ESR1: variants seen among roughly 807,000 people sequenced by gnomAD.
ESR1 encodes the protein estrogen receptor 1.
Under a neutral mutation model 52.7 loss-of-function variants are expected in ESR1, and 12 were observed. That is an observed-to-expected ratio of 0.23 (90% confidence interval 0.15 to 0.37). The LOEUF is 0.37. ESR1 is among the 10% of genes least tolerant of loss of function. ESR1 has a pLI of 1.00. For synonymous variants in ESR1, 305 were observed against 316.8 expected (o/e 0.96, Z 0.39); for missense variants, 584 against 779.7 (o/e 0.75, Z 2.99).
chr6:151,832,713 T>C (rs1271081734), intron 1 of ESR1, among the ~76,000 whole-genome samples: 3 of 152,250 alleles, frequency 2.0e-5, no homozygotes, highest in African/African-American at 7.2e-5. Context: ...GTATTTTCTG[T>C]CTGAAAAGTG....
Position 151,970,194 on chromosome 6 carries a change from C to T in ESR1, c.1096+25686C>T, listed in dbSNP as rs150379591. 5.3e-3 allele frequency among the ~76,000 whole-genome samples: 807 copies of T among 152,172 alleles called. 8 individuals are homozygous for T. Among genetic ancestry groups the T allele is most frequent in the African/African-American group, 0.017 (710 of 41,528 alleles). ...TGTACTGGCTTAGCACAGTGCTCGG[C>T]ATTCAGTAAATAAGGTTAAGGAAGG... is the stretch of plus-strand genomic sequence containing the variant. On this transcript the variant is annotated intron_variant, in intron 4 of 7. Transcript: ENST00000206249.
At position 151,790,460 on chromosome 6, in the gene ESR1, C is replaced by A. The variant is rs376777996; in HGVS notation, c.-70-17383C>A. Among the ~76,000 whole-genome samples, 40 of 152,264 alleles carry A rather than the reference C, an allele frequency of 2.6e-4. No individual in the cohort carries two copies. In the South Asian group the frequency reaches 8.3e-3, roughly 32 times the overall value. On this transcript the variant is annotated intron_variant, in intron 2 of 2. Transcript: ENST00000404742. ...TGAGGGCAGCCATGTCCTGTCTCTTCCACCTGTTGTGGAAGGGGTTCATGG... is the reference window on the plus strand; with the variant it reads ...TGAGGGCAGCCATGTCCTGTCTCTTACACCTGTTGTGGAAGGGGTTCATGG...
rs147452699 is a variant in ESR1, at chr6:152,058,950, G to A, written c.1236-2041G>A. On this transcript the variant is annotated intron_variant, in intron 5 of 7. Coordinates refer to ENST00000206249, the MANE Select transcript of ESR1 (RefSeq NM_000125.4). ...GGAAATAATAATGCTAATCTTAGAG[G>A]TCACTTCTAAGAAGTATATGAATAT... is the stretch of plus-strand genomic sequence containing the variant. 2.6e-3 allele frequency among the ~76,000 whole-genome samples: 392 copies of A among 151,948 alleles called. 2 individuals carry two copies. The highest frequency in any genetic ancestry group is 9.1e-3 in the African/African-American group (376 of 41,506).
chr6:151,850,298 G>A (rs1343793708), intron 2 of ESR1, among the ~76,000 whole-genome samples: 1 of 149,822 alleles, frequency 6.7e-6, no homozygotes, highest in Non-Finnish European at 1.5e-5. Context: ...TTCAGTATAT[G>A]GGCCCTTAAT....
intron 6 of ESR1, among the ~76,000 whole-genome samples, chr6:152,067,790 G>A (rs1168590623): frequency 6.6e-6 from 1 of 152,140 alleles, no homozygotes; most frequent in Non-Finnish European, 1.5e-5. Context: ...TCGTGCCATT[G>A]CACTCCAGCC....
intron 2 of ESR1, among the ~76,000 whole-genome samples, chr6:151,853,571 T>C (rs1241049553): frequency 6.6e-6 from 1 of 152,222 alleles, no homozygotes; most frequent in Non-Finnish European, 1.5e-5. Flanking sequence ...AAAATGCCTC[T>C]GACAAATAAA....
At position 151,837,022 on chromosome 6, in the gene ESR1, G is replaced by T. The variant is rs192883507; in HGVS notation, c.453-5575G>T. ...GCTTTAAACTTTTCCTTTGATTAAT[G>T]AAAATTTTATTGGCCCATAGTTTTT... On this transcript the variant is annotated intron_variant, in intron 1 of 7. Coordinates refer to ENST00000206249, the MANE Select transcript of ESR1 (RefSeq NM_000125.4). Among the ~76,000 whole-genome samples the T allele has an allele frequency of 7.9e-5, 12 of 151,868 alleles. No homozygotes were observed. In the East Asian group the frequency reaches 2.1e-3, roughly 27 times the overall value.
chr6:151,918,799 A>T (rs2030945870), intron 3 of ESR1, among the ~76,000 whole-genome samples: 1 of 152,232 alleles, frequency 6.6e-6, no homozygotes, highest in Non-Finnish European at 1.5e-5. Flanking sequence ...ATGAAAATAA[A>T]GCTTGGCAAT....
intron 5 of ESR1, among the ~76,000 whole-genome samples, chr6:152,020,085 G>T (rs986301791): frequency 6.6e-6 from 1 of 152,136 alleles, no homozygotes; most frequent in Non-Finnish European, 1.5e-5. Flanking sequence ...CTCATCATTC[G>T]CATCTAGTGT....
chr6:151,884,123 T>A (rs1583936983), intron 3 of ESR1, among the ~76,000 whole-genome samples: 1 of 152,332 alleles, frequency 6.6e-6, no homozygotes, highest in South Asian at 2.1e-4. Context: ...AGTTTTTATA[T>A]GTACATAAGT....
intron 2 of ESR1, among the ~76,000 whole-genome samples, chr6:151,854,540 TTC>T (rs1205430508): frequency 6.6e-6 from 1 of 152,226 alleles, no homozygotes; most frequent in Non-Finnish European, 1.5e-5. Context: ...TAAGCACTCG[TTC>T]TCTCTGTTTT....
At chr6:151,888,967 A>G (rs1009859785) in intron 3 of ESR1, among the ~76,000 whole-genome samples, 2 of 152,160 alleles carry the variant, frequency 1.3e-5, no homozygotes, top group African/African-American at 4.8e-5. Context: ...TGTGTACCAT[A>G]GTTATAGATT....
At chr6:152,018,824 A>G (rs2043377180) in intron 5 of ESR1, among the ~76,000 whole-genome samples, 1 of 133,236 alleles carries the variant, frequency 7.5e-6, no homozygotes, top group Admixed American at 6.9e-5. Flanking sequence ...ATCATATGGA[A>G]TTGAGTAAAA....
intron 1 of ESR1, among the ~76,000 whole-genome samples, chr6:151,682,109 A>G (rs1446815689): frequency 6.6e-6 from 1 of 152,222 alleles, no homozygotes; most frequent in Non-Finnish European, 1.5e-5. Context: ...TTTATTTCCT[A>G]GCACAGGTTT....
intron 4 of ESR1, among the ~76,000 whole-genome samples, chr6:151,979,751 CT>C (rs557287116): frequency 6.6e-6 from 1 of 151,750 alleles, no homozygotes; most frequent in South Asian, 2.1e-4. Flanking sequence ...TGCAATGTTG[CT>C]TTTTTTTAAA....
At chr6:151,689,969 G>A (rs1485462564), upstream of ESR1, among the ~76,000 whole-genome samples, 2 of 151,994 alleles carry the variant, frequency 1.3e-5, no homozygotes, top group African/African-American at 4.8e-5. Context: ...AGGAAATACC[G>A]GACAGTTTAT....
intron 4 of ESR1, among the ~76,000 whole-genome samples, chr6:151,970,624 A>G (rs1325681979): frequency 6.6e-6 from 1 of 152,148 alleles, no homozygotes; most frequent in Non-Finnish European, 1.5e-5. Flanking sequence ...ATTGTTAATA[A>G]CACATTACAT....
At position 151,899,568 on chromosome 6, in the gene ESR1, C is replaced by G. The variant is rs539789285; in HGVS notation, c.760+18797C>G. 8.1e-4 allele frequency among the ~76,000 whole-genome samples: 119 copies of G among 147,454 alleles called. 2 individuals are homozygous for G. Among genetic ancestry groups the G allele is most frequent in the African/African-American group, 2.5e-3 (100 of 39,856 alleles). ...CTCCCGGACGGGGCGGCTGGCCGGGCGGGGAGCTGACCCCCCCACCTCCCT... is the reference window on the plus strand; with the variant it reads ...CTCCCGGACGGGGCGGCTGGCCGGGGGGGGAGCTGACCCCCCCACCTCCCT... On this transcript the variant is annotated intron_variant, in intron 3 of 7. Transcript: ENST00000206249.
At chr6:151,834,105 G>A in intron 1 of ESR1, among the ~76,000 whole-genome samples, 1 of 152,134 alleles carries the variant, frequency 6.6e-6, no homozygotes. Context: ...TGGTGGGAGT[G>A]TAAATTAGTT....
Sources: gnomAD v4.1 joint callset for allele counts (sites outside exome capture counted in the v4.1 genomes callset) on GRCh38, gnomAD v4.1.1 for gene constraint, MANE v1.5 for transcripts, NCBI Gene and HGNC (gene_info 2026-07-23, HGNC 2026-07-21) for gene names.